ADH7: variants seen among roughly 807,000 people sequenced by gnomAD.
The protein encoded by ADH7 is all-trans-retinol dehydrogenase [NAD(+)] ADH7.
ADH7 carries 41 observed loss-of-function variants against 34.4 expected under a neutral mutation model. The observed-to-expected ratio is 1.19, with a 90% CI of 0.93 to 1.55. The LOEUF (loss-of-function observed/expected upper bound fraction) is 1.55. Ranked by LOEUF, ADH7 falls within the 40% of genes most tolerant of loss-of-function variation. The probability of loss-of-function intolerance (pLI) is 0.00; values close to 1 mark genes in which losing one functional copy is unlikely to be tolerated. For synonymous variants in ADH7, 180 were observed against 160.9 expected (o/e 1.12, Z -0.90); for missense variants, 540 against 461.2 (o/e 1.17, Z -1.56).
At chr4:99,419,519 A>T (rs1721599926) in intron 6 of ADH7, among the ~76,000 whole-genome samples, 1 of 152,172 alleles carries the variant, frequency 6.6e-6, no homozygotes, top group Admixed American at 6.5e-5. Flanking sequence ...AAAATTAAAT[A>T]AAATACTAAA....
intron 5 of ADH7, among the ~76,000 whole-genome samples, chr4:99,427,450 C>T (rs1013922931): frequency 3.9e-5 from 6 of 152,048 alleles, no homozygotes; most frequent in Admixed American, 3.9e-4. Flanking sequence ...GACAAAAAGC[C>T]TCTGCTGTAA....
chr4:99,427,870 G>A lies in ADH7; in HGVS notation c.467C>T (p.Ser156Phe), dbSNP rs1242653325. The A allele has an allele frequency of 6.2e-7, 1 of 1,613,494 alleles. No homozygotes were observed. Among genetic ancestry groups the A allele is most frequent in the East Asian group, 2.2e-5 (1 of 44,878 alleles). The change falls in exon 5 of 9, where the codon TCT becomes TTT. Residue 156 changes from serine to phenylalanine, a missense_variant. Coordinates refer to ENST00000437033, the MANE Select transcript of ADH7 (RefSeq NM_000673.7). ...FTEYTVVDES[S>F]VAKIDDAAPP... ...AGCTGCATCATCAATCTTAGCAACA[G>A]AAGATTCATCCACCACTGTGTACTC...
intron 8 of ADH7, among the ~76,000 whole-genome samples, chr4:99,415,090 G>A (rs1157578233): frequency 6.6e-6 from 1 of 152,120 alleles, no homozygotes; most frequent in African/African-American, 2.4e-5. Flanking sequence ...ATGATAGTGA[G>A]TGAGTTTTCA....
rs112434916 is a variant in ADH7, at chr4:99,418,625, C to T, written c.961+361G>A. ...TTTGGGTCCAGGATTTTTGTTGGTG[C>T]TATTATGAATCGAATAAATTCACTT... On this transcript the variant is annotated intron_variant, in intron 7 of 8. Transcript: ENST00000437033. 6.0e-3 allele frequency among the ~76,000 whole-genome samples: 907 copies of T among 152,132 alleles called. 7 individuals carry two copies. The highest frequency in any genetic ancestry group is 0.02 in the African/African-American group (814 of 41,496).
In ADH7 at chr4:99,415,575, A is replaced by G; in HGVS notation, c.1003T>C (p.Phe335Leu). 2 of 1,613,560 alleles carry G rather than the reference A, an allele frequency of 1.2e-6. No individual in the cohort carries two copies. Among genetic ancestry groups the G allele is most frequent in the South Asian group, 1.1e-5 (1 of 91,000 alleles). The change falls in exon 8 of 9, where the codon TTC (phenylalanine) becomes CTC (leucine). Residue 335 changes from phenylalanine (F) to leucine (L), a missense_variant. Phe to Leu is a conservative substitution (Grantham distance 22). Transcript: ENST00000437033. ...RDDVPKLVTE[F>L]LAKKFDLDQL... ...TCCAGGTCAAATTTCTTTGCCAGGA[A>G]CTCAGTCACTAGTTTTGGGACATCA...
rs1344179985 is a variant in ADH7 at position 99,435,077 on chromosome 4, C to T, written c.18+139G>A. ...AACACCATATCCAGTGTTTCCCTCA[C>T]TGTATGCCTGCTCACCAAGCATTTC... On this transcript the variant is annotated intron_variant, in intron 1 of 8. Coordinates refer to ENST00000437033, the MANE Select transcript of ADH7 (RefSeq NM_000673.7). 5 of 1,547,956 alleles carry T rather than the reference C, an allele frequency of 3.2e-6. No individual in the cohort carries two copies. In the Admixed American group the frequency reaches 9.8e-5, roughly 30 times the overall value.
rs1032728079 is a variant in ADH7, at chr4:99,422,806, C to CT, written c.565-2014dup. ...TTAATAATGTATTAGGTCAAAGATT[C>CT]TTTTTTTTTTCTAATAAAATAGACC... On this transcript the variant is annotated intron_variant, in intron 5 of 8. Coordinates refer to ENST00000437033, the MANE Select transcript of ADH7 (RefSeq NM_000673.7). Among the ~76,000 whole-genome samples the CT allele has an allele frequency of 9.5e-3, 1,318 of 138,068 alleles. 25 individuals are homozygous for CT. The highest frequency in any genetic ancestry group is 0.031 in the African/African-American group (1,185 of 37,702). The allele number at this position is 138,068 out of a possible 152,430, so 90.6% of individuals were successfully genotyped here.
Position 99,415,569 on chromosome 4 carries a change from C to T in ADH7, c.1009G>A (p.Ala337Thr), listed in dbSNP as rs1721498079. 1 of 1,613,468 alleles carries T rather than the reference C, an allele frequency of 6.2e-7. No individual in the cohort carries two copies. Among genetic ancestry groups the T allele is most frequent in the South Asian group, 1.1e-5 (1 of 90,992 alleles). ...AACTGGTCCAGGTCAAATTTCTTTG[C>T]CAGGAACTCAGTCACTAGTTTTGGG... ...DVPKLVTEFL[A>T]KKFDLDQLIT... Residue 337 changes from alanine to threonine, a missense_variant, in exon 8 of 9, where the codon GCA (alanine) becomes ACA (threonine). Transcript: ENST00000437033.
At position 99,420,692 on chromosome 4, in the gene ADH7, A is replaced by T. The variant is rs756964455; in HGVS notation, c.666T>A (p.Ile222=). ...KSAGASRIIG[I]DLNKDKFEKA... ...TCTCAAATTTGTCTTTGTTGAGGTC[A>T]ATCCCAATGATCCTAGATGCACCAG... The change falls in exon 6 of 9, where the codon ATT becomes ATA. Residue 222 remains isoleucine (I), a synonymous_variant. Transcript: ENST00000437033. 2.5e-6 allele frequency: 4 copies of T among 1,613,964 alleles called. No homozygotes were observed. Among genetic ancestry groups the T allele is most frequent in the Non-Finnish European group, 2.5e-6 (3 of 1,179,916 alleles).
At chr4:99,413,616 A>G (rs1315317140) in intron 8 of ADH7, among the ~76,000 whole-genome samples, 1 of 152,222 alleles carries the variant, frequency 6.6e-6, no homozygotes, top group African/African-American at 2.4e-5. Flanking sequence ...TTTTAGTTCA[A>G]TAATAAAGGC....
In ADH7 at chr4:99,412,300, A is replaced by C. The variant is rs1280150597; in HGVS notation, c.*848T>G. 2 of 152,134 alleles carry C rather than the reference A, an allele frequency of 1.3e-5. No individual in the cohort carries two copies. Among genetic ancestry groups the C allele is most frequent in the Admixed American group, 1.3e-4 (2 of 15,272 alleles). 9.4% of individuals were successfully genotyped at this position (152,134 alleles called of 1,614,324 possible). A position where few individuals can be genotyped will look rare whatever the true frequency, so the allele number is the denominator to read the frequency against. On this transcript the variant is annotated 3_prime_UTR_variant, in exon 9 of 9. Coordinates refer to ENST00000437033, the MANE Select transcript of ADH7 (RefSeq NM_000673.7). The stretch of plus-strand genomic sequence containing the variant: ...TTTAATTTTCTTAAGAATTTTTAAC[A>C]TGTTATAGATATATATAGATACATC...
chr4:99,435,321 T>A lies in ADH7; in HGVS notation c.-88A>T, dbSNP rs748169624. The A allele has an allele frequency of 6.4e-6, 10 of 1,568,388 alleles. No individual in the cohort carries two copies. The highest frequency in any genetic ancestry group is 3.3e-4 in the Middle Eastern group (2 of 5,988). On this transcript the variant is annotated 5_prime_UTR_variant, in exon 1 of 9. Coordinates refer to ENST00000437033, the MANE Select transcript of ADH7 (RefSeq NM_000673.7). ...CACTCTGTTGTATATAACAGCAGCTTGTGCCTTCACATAGATAGTCTGGCT... is the reference window on the plus strand; with the variant it reads ...CACTCTGTTGTATATAACAGCAGCTAGTGCCTTCACATAGATAGTCTGGCT...
At chr4:99,429,708 T>A in intron 1 of ADH7, 75 bp from the exon 2 acceptor site, 2 of 970,798 alleles carry the variant, frequency 2.1e-6, no homozygotes, top group Non-Finnish European at 3.1e-6. Context: ...AGTATAAATA[T>A]GAACAGAAGA....
intron 6 of ADH7, 30 bp downstream of exon 6, chr4:99,420,503 T>C: frequency 1.2e-6 from 2 of 1,604,738 alleles, no homozygotes; most frequent in Non-Finnish European, 1.7e-6. Context: ...AACTTGGGTA[T>C]TTTGTGGCTT....
chr4:99,420,484 A>G (rs765967374), intron 6 of ADH7, 49 bp downstream of exon 6: 10 of 1,566,790 alleles, frequency 6.4e-6, no homozygotes, highest in Non-Finnish European at 8.7e-6. Flanking sequence ...TACCTTGTGC[A>G]TGTCTAATAA....
intron 3 of ADH7, 122 bp from the exon 4 acceptor site, chr4:99,428,296 A>G (rs1721860581): frequency 8.1e-7 from 1 of 1,231,166 alleles, no homozygotes; most frequent in Non-Finnish European, 1.1e-6. Flanking sequence ...AGGTTTATAA[A>G]CACCGTAAGG....
At position 99,412,351 on chromosome 4, in the gene ADH7, A is replaced by G. The variant is rs1721427104; in HGVS notation, c.*797T>C. On this transcript the variant is annotated 3_prime_UTR_variant, in exon 9 of 9. Coordinates refer to ENST00000437033, the MANE Select transcript of ADH7 (RefSeq NM_000673.7). ...AGTGTAGTTGTTAAAAACTAAAAAC[A>G]CTTTTTATTAAATGGAGTCACTACT... is the stretch of plus-strand genomic sequence containing the variant. The G allele has an allele frequency of 6.6e-6, 1 of 152,100 alleles. No individual in the cohort carries two copies. Among genetic ancestry groups the G allele is most frequent in the Non-Finnish European group, 1.5e-5 (1 of 67,970 alleles). The allele number at this position is 152,100 out of a possible 1,614,324, so 9.4% of individuals were successfully genotyped here. A position where few individuals can be genotyped will look rare whatever the true frequency, so the allele number is the denominator to read the frequency against.
At chr4:99,430,692 A>G (rs144849636) in intron 1 of ADH7, among the ~76,000 whole-genome samples, 1 of 152,350 alleles carries the variant, frequency 6.6e-6, no homozygotes, top group East Asian at 1.9e-4. Context: ...TGCCTTACTA[A>G]TGAAAATGTT....
At chr4:99,427,278 A>G (rs1721831617) in intron 5 of ADH7, among the ~76,000 whole-genome samples, 1 of 152,188 alleles carries the variant, frequency 6.6e-6, no homozygotes, top group Admixed American at 6.6e-5. Context: ...ATAGGTGGTA[A>G]TCAAAATGAT....
Sources: allele counts gnomAD v4.1 joint callset (sites outside exome capture counted in the v4.1 genomes callset), GRCh38; gene constraint gnomAD v4.1.1; transcripts MANE v1.5; gene names NCBI Gene and HGNC (gene_info 2026-07-23, HGNC 2026-07-21).